NKAIN3: variants seen among roughly 807,000 people sequenced by gnomAD.
NKAIN3 encodes sodium/potassium transporting ATPase interacting 3, also known as sodium/potassium-transporting ATPase subunit beta-1-interacting protein 3.
In NKAIN3, 25 loss-of-function variants were observed where a neutral mutation model predicts 30.2. The observed-to-expected ratio is 0.83, with a 90% CI of 0.60 to 1.16. The LOEUF (loss-of-function observed/expected upper bound fraction) is 1.16, where lower values mean the gene tolerates loss of function less well. Ranked by LOEUF, NKAIN3 falls within the 50% of genes most tolerant of loss-of-function variation. The pLI, the probability that NKAIN3 is intolerant of heterozygous loss-of-function variation, is 0.00. For synonymous variants in NKAIN3, 91 were observed against 89.6 expected (o/e 1.02, Z -0.09); for missense variants, 225 against 254.1 (o/e 0.89, Z 0.78).
intron 1 of NKAIN3, among the ~76,000 whole-genome samples, chr8:62,528,701 C>A (rs1474511461): frequency 6.6e-6 from 1 of 152,004 alleles, no homozygotes. Context: ...ACACTATATT[C>A]CCTGAAACCT....
At chr8:62,352,880 C>T (rs1242544948) in intron 1 of NKAIN3, among the ~76,000 whole-genome samples, 1 of 152,028 alleles carries the variant, frequency 6.6e-6, no homozygotes, top group South Asian at 2.1e-4. Flanking sequence ...TATTAGGTAC[C>T]ACATTAGTAT....
At chr8:62,996,125 G>A (rs1430294233) in intron 5 of NKAIN3, among the ~76,000 whole-genome samples, 1 of 151,786 alleles carries the variant, frequency 6.6e-6, no homozygotes, top group African/African-American at 2.4e-5. Flanking sequence ...TTTTCACACT[G>A]CTAAAAAGAT....
chr8:62,306,915 G>C lies in NKAIN3; in HGVS notation c.54+57788G>C, dbSNP rs552413870. 9.2e-4 allele frequency among the ~76,000 whole-genome samples: 138 copies of C among 150,200 alleles called. 9 individuals are homozygous for C. Among genetic ancestry groups the C allele is most frequent in the African/African-American group, 2.8e-3 (113 of 39,754 alleles). On this transcript the variant is annotated intron_variant, in intron 1 of 6. Transcript: ENST00000623646. ...ACTGCAGATGTGTCCATAGGGGAAA[G>C]CATACTGGTCATGACCTTACAAGTT... is the stretch of plus-strand genomic sequence containing the variant.
intron 3 of NKAIN3, among the ~76,000 whole-genome samples, chr8:62,639,284 C>G (rs1295532091): frequency 6.6e-6 from 1 of 152,024 alleles, no homozygotes; most frequent in Admixed American, 6.6e-5. Context: ...GAAAGTAATT[C>G]CAGAAGAGAG....
chr8:62,851,521 C>A (rs939919283), intron 4 of NKAIN3, among the ~76,000 whole-genome samples: 2 of 152,146 alleles, frequency 1.3e-5, no homozygotes, highest in Non-Finnish European at 2.9e-5. Context: ...GAGAGGACAT[C>A]CCCGTCTTGT....
intron 1 of NKAIN3, among the ~76,000 whole-genome samples, chr8:62,431,380 C>G (rs558133005): frequency 1.3e-5 from 2 of 151,816 alleles, no homozygotes; most frequent in African/African-American, 2.4e-5. Context: ...TTAAATATAG[C>G]TTGTTTTTAC....
chr8:62,567,565 G>A (rs1052306912), intron 1 of NKAIN3, among the ~76,000 whole-genome samples: 3 of 152,078 alleles, frequency 2.0e-5, no homozygotes, highest in African/African-American at 7.2e-5. Context: ...AATTATAAAG[G>A]TCTTTATAAG....
intron 1 of NKAIN3, among the ~76,000 whole-genome samples, chr8:62,399,356 A>G (rs1817863701): frequency 6.6e-6 from 1 of 152,028 alleles, no homozygotes; most frequent in African/African-American, 2.4e-5. Flanking sequence ...AAATACAAAA[A>G]TTAGCAGAGA....
chr8:62,664,158 C>T (rs1813027648), intron 3 of NKAIN3, among the ~76,000 whole-genome samples: 1 of 151,996 alleles, frequency 6.6e-6, no homozygotes, highest in Non-Finnish European at 1.5e-5. Context: ...AATTTCACCT[C>T]TCACTTCTGA....
At position 62,589,742 on chromosome 8, in the gene NKAIN3, C is replaced by T. The variant is rs1176533870; in HGVS notation, c.221C>T (p.Thr74Ile). The change falls in exon 3 of 7, where the codon ACC (threonine) becomes ATC (isoleucine). Residue 74 changes from threonine (T) to isoleucine (I), a missense_variant. Coordinates refer to ENST00000623646, the MANE Select transcript of NKAIN3 (RefSeq NM_001304533.3). ...VYTVWTALWV[T>I]WNVFIICFYL... ...ACAGTGTGGACTGCCCTCTGGGTCA[C>T]CTGGAATGTGTTCATTATCTGCTTT... 5 of 1,604,180 alleles carry T rather than the reference C, an allele frequency of 3.1e-6. No individual in the cohort carries two copies. Among genetic ancestry groups the T allele is most frequent in the Non-Finnish European group, 4.3e-6 (5 of 1,173,424 alleles).
At position 62,993,417 on chromosome 8, in the gene NKAIN3, TTTA is replaced by T. The variant is rs1226743615; in HGVS notation, c.533-5813_533-5811del. ...GGAGAAAAAGAAAATGTACTCAAAC[TTTA>T]AGTTTCCATAGAATAATAGTGACTG... On this transcript the variant is annotated intron_variant, in intron 5 of 5. Coordinates refer to the NKAIN3 transcript ENST00000519049. 3.3e-5 allele frequency among the ~76,000 whole-genome samples: 5 copies of T among 152,206 alleles called. No individual in the cohort carries two copies. The East Asian group carries it at 9.6e-4, about 29-fold the overall frequency.
chr8:62,630,270 T>C (rs1811915082), intron 3 of NKAIN3, among the ~76,000 whole-genome samples: 1 of 152,028 alleles, frequency 6.6e-6, no homozygotes, highest in Non-Finnish European at 1.5e-5. Context: ...CATTAGAAAA[T>C]TGTTTGAGCA....
intron 1 of NKAIN3, among the ~76,000 whole-genome samples, chr8:62,254,153 CGTGTGTGTGTGTGTGTGT>C (rs10629239): frequency 4.4e-5 from 6 of 137,046 alleles, no homozygotes; most frequent in East Asian, 2.2e-4. Flanking sequence ...GCTTGGGTAT[CGTGTGTGTGTGTGTGTGT>C]GTGTGTGTGT....
chr8:62,509,878 G>T (rs1469083928), intron 1 of NKAIN3, among the ~76,000 whole-genome samples: 1 of 152,112 alleles, frequency 6.6e-6, no homozygotes, highest in Non-Finnish European at 1.5e-5. Flanking sequence ...ATTAGGTGCA[G>T]GGAAATAATA....
At chr8:62,435,274 G>A (rs959323473) in intron 1 of NKAIN3, among the ~76,000 whole-genome samples, 3 of 151,974 alleles carry the variant, frequency 2.0e-5, no homozygotes, top group Admixed American at 1.3e-4. Flanking sequence ...CCTCCTGGGG[G>A]CCTAATAACC....
At chr8:62,881,147 C>G (rs931509515) in intron 4 of NKAIN3, among the ~76,000 whole-genome samples, 2 of 152,166 alleles carry the variant, frequency 1.3e-5, no homozygotes, top group African/African-American at 4.8e-5. Context: ...TTAGGGTTCA[C>G]TCTGGCATTT....
At chr8:62,803,283 C>G (rs1206505673) in intron 4 of NKAIN3, among the ~76,000 whole-genome samples, 1 of 152,116 alleles carries the variant, frequency 6.6e-6, no homozygotes, top group South Asian at 2.1e-4. Context: ...ATCTACAGAA[C>G]TCTCCACCCC....
chr8:62,405,214 T>C (rs1804023939), intron 1 of NKAIN3, among the ~76,000 whole-genome samples: 1 of 152,068 alleles, frequency 6.6e-6, no homozygotes, highest in Non-Finnish European at 1.5e-5. Context: ...AAGCTGAGTT[T>C]CCTGCCATTG....
intron 4 of NKAIN3, among the ~76,000 whole-genome samples, chr8:62,769,268 G>C (rs370008989): frequency 6.6e-6 from 1 of 152,138 alleles, no homozygotes; most frequent in African/African-American, 2.4e-5. Context: ...GAGCATCTAG[G>C]ATTTGTGGAT....
Sources: gnomAD v4.1 joint callset for allele counts (sites outside exome capture counted in the v4.1 genomes callset) on GRCh38, gnomAD v4.1.1 for gene constraint, MANE v1.5 for transcripts, NCBI Gene and HGNC (gene_info 2026-07-23, HGNC 2026-07-21) for gene names.